Variants in CCDC148 observed in about 807,000 individuals in gnomAD.
CCDC148 encodes the protein coiled-coil domain-containing protein 148.
A neutral mutation model predicts 85.7 loss-of-function variants in CCDC148; 89 were observed. The ratio of observed to expected loss-of-function variants is 1.04; its 90% CI spans 0.87 to 1.24. CCDC148 has a LOEUF of 1.24. Ranked by LOEUF, CCDC148 falls within the 50% of genes most tolerant of loss-of-function variation. The pLI is 0.00. For missense variants in CCDC148, 692 were observed against 671.7 expected, an observed-to-expected ratio of 1.03 and a Z score of -0.33; for synonymous variants, 230 against 213.9, an observed-to-expected ratio of 1.08 and a Z score of -0.66.
intron 11 of CCDC148, among the ~76,000 whole-genome samples, chr2:158,190,881 C>T (rs1685393686): frequency 6.6e-6 from 1 of 151,734 alleles, no homozygotes; most frequent in South Asian, 2.1e-4. Flanking sequence ...ACACATAATT[C>T]CTGATGCCCA....
intron 10 of CCDC148, among the ~76,000 whole-genome samples, chr2:158,240,902 C>T (rs563354709): frequency 2.0e-5 from 3 of 152,268 alleles, no homozygotes; most frequent in Admixed American, 2.0e-4. Context: ...ACTCTAAGGC[C>T]TGAACTTTGA....
At chr2:158,352,351 C>T (rs560065134) in intron 2 of CCDC148, among the ~76,000 whole-genome samples, 84 of 152,202 alleles carry the variant, frequency 5.5e-4, no homozygotes, top group African/African-American at 2.0e-3. Flanking sequence ...GAATGTATAA[C>T]TAGAATAACC....
At position 158,421,051 on chromosome 2, in the gene CCDC148, A is replaced by T. The variant is rs544030118; in HGVS notation, c.25+35364T>A. On this transcript the variant is annotated intron_variant, in intron 1 of 13. Coordinates refer to ENST00000283233, the MANE Select transcript of CCDC148 (RefSeq NM_138803.4). ...AAGAAGAGCTAACTATCCTAAATAT[A>T]TATGCACTCAATACAGGAGCACCCA... is the stretch of plus-strand genomic sequence containing the variant. Among the ~76,000 whole-genome samples the T allele has an allele frequency of 4.9e-3, 740 of 152,322 alleles. 3 individuals carry two copies. The highest frequency in any genetic ancestry group is 0.017 in the African/African-American group (705 of 41,580).
intron 1 of CCDC148, among the ~76,000 whole-genome samples, chr2:158,434,116 G>C (rs1687517795): frequency 6.6e-6 from 1 of 152,212 alleles, no homozygotes; most frequent in African/African-American, 2.4e-5. Flanking sequence ...GCTATGAAGA[G>C]AGTAGTGGTT....
chr2:158,196,607 G>A (rs1685685160), intron 11 of CCDC148, among the ~76,000 whole-genome samples: 2 of 152,010 alleles, frequency 1.3e-5, no homozygotes, highest in African/African-American at 2.4e-5. Flanking sequence ...TTTCGATATG[G>A]TCCAACATGT....
At chr2:158,212,755 GGTT>G (rs1304202726) in intron 11 of CCDC148, among the ~76,000 whole-genome samples, 3 of 152,028 alleles carry the variant, frequency 2.0e-5, no homozygotes, top group African/African-American at 7.2e-5. Flanking sequence ...CACATAACTG[GGTT>G]GTTAGAAAAA....
chr2:158,181,994 A>G (rs1684926903), intron 11 of CCDC148, among the ~76,000 whole-genome samples: 2 of 152,048 alleles, frequency 1.3e-5, no homozygotes, highest in African/African-American at 4.8e-5. Flanking sequence ...AAGGACATGT[A>G]GAAAATAAAA....
At chr2:158,173,867 T>C (rs1443532498) in intron 13 of CCDC148, among the ~76,000 whole-genome samples, 1 of 152,062 alleles carries the variant, frequency 6.6e-6, no homozygotes, top group Non-Finnish European at 1.5e-5. Flanking sequence ...CAGTTCCATG[T>C]TGTGAGGCTT....
At chr2:158,261,172 C>T (rs1689206112) in intron 9 of CCDC148, among the ~76,000 whole-genome samples, 1 of 151,876 alleles carries the variant, frequency 6.6e-6, no homozygotes, top group Non-Finnish European at 1.5e-5. Context: ...AAAACAGGCA[C>T]ATAAACCAAC....
At chr2:158,195,029 A>T (rs1685600718) in intron 11 of CCDC148, among the ~76,000 whole-genome samples, 1 of 150,476 alleles carries the variant, frequency 6.6e-6, no homozygotes. Context: ...GGATCAATTC[A>T]CTCCATGCTG....
At chr2:158,340,213 A>G in intron 5 of CCDC148, 29 bp downstream of exon 5, 3 of 1,603,718 alleles carry the variant, frequency 1.9e-6, no homozygotes, top group Non-Finnish European at 1.7e-6. Flanking sequence ...GAAATATTAC[A>G]TTATGGAAAA....
chr2:158,332,568 C>T (rs1440139977), intron 7 of CCDC148, among the ~76,000 whole-genome samples: 1 of 150,402 alleles, frequency 6.6e-6, no homozygotes, highest in East Asian at 2.0e-4. Context: ...AGGGAGGATT[C>T]CCTCTTTTTC....
chr2:158,294,290 A>G (rs1401833350), intron 9 of CCDC148, among the ~76,000 whole-genome samples: 2 of 151,958 alleles, frequency 1.3e-5, no homozygotes, highest in African/African-American at 2.4e-5. Flanking sequence ...GTAATATTCC[A>G]TTGTATGGAA....
chr2:158,391,732 G>C (rs1685316903), intron 1 of CCDC148, among the ~76,000 whole-genome samples: 1 of 152,130 alleles, frequency 6.6e-6, no homozygotes, highest in African/African-American at 2.4e-5. Context: ...TGAAGGATGA[G>C]GCATGGGCTT....
chr2:158,344,057 A>G (rs1682872004), intron 3 of CCDC148, among the ~76,000 whole-genome samples: 1 of 152,170 alleles, frequency 6.6e-6, no homozygotes, highest in Admixed American at 6.5e-5. Flanking sequence ...AAAAAAAACA[A>G]AAAACTTTAC....
intron 10 of CCDC148, among the ~76,000 whole-genome samples, chr2:158,233,843 C>T (rs942470055): frequency 3.3e-5 from 5 of 152,022 alleles, no homozygotes; most frequent in Non-Finnish European, 5.9e-5. Context: ...TAGAGATCTC[C>T]GTGTGCTTCA....
rs140264833 is a variant in CCDC148, at chr2:158,342,870, G to A, written c.252-2190C>T. On this transcript the variant is annotated intron_variant, in intron 3 of 13. Coordinates refer to ENST00000283233, the MANE Select transcript of CCDC148 (RefSeq NM_138803.4). ...GAAAAGTGTGTCAAAAACCTCAAGG[G>A]GTATAGCTTGATTAAGCATAACACA... Among the ~76,000 whole-genome samples, 754 of 151,916 alleles carry A rather than the reference G, an allele frequency of 5.0e-3. 2 individuals are homozygous for A. The highest frequency in any genetic ancestry group is 0.017 in the African/African-American group (709 of 41,418).
At chr2:158,269,662 C>G (rs1254595567) in intron 9 of CCDC148, among the ~76,000 whole-genome samples, 1 of 152,174 alleles carries the variant, frequency 6.6e-6, no homozygotes, top group Non-Finnish European at 1.5e-5. Flanking sequence ...TGGCTCCTCA[C>G]AGGATACCTA....
intron 9 of CCDC148, among the ~76,000 whole-genome samples, chr2:158,274,714 C>A (rs906955729): frequency 3.3e-5 from 5 of 152,236 alleles, no homozygotes; most frequent in Middle Eastern, 3.4e-3. Flanking sequence ...TATGAGAAGC[C>A]ATCCAACAAG....
Sources: allele counts gnomAD v4.1 joint callset (sites outside exome capture counted in the v4.1 genomes callset), GRCh38; gene constraint gnomAD v4.1.1; transcripts MANE v1.5; gene names NCBI Gene and HGNC (gene_info 2026-07-23, HGNC 2026-07-21).